OSBPL10: variants seen among roughly 807,000 people sequenced by gnomAD.
The protein encoded by OSBPL10 is oxysterol-binding protein-related protein 10.
OSBPL10 carries 49 observed loss-of-function variants against 81.7 expected under a neutral mutation model. The observed-to-expected ratio is 0.60, with a 90% CI of 0.48 to 0.76. OSBPL10 has a LOEUF of 0.76. OSBPL10 is among the 30% of genes least tolerant of loss of function. The pLI, the probability that OSBPL10 is intolerant of heterozygous loss-of-function variation, is 0.00. For missense variants in OSBPL10, 923 were observed against 987.8 expected (o/e 0.93, Z 0.88); for synonymous variants, 419 against 383.6 (o/e 1.09, Z -1.08).
chr3:31,799,379 TAAAAAAAAAAAAAA>T (rs61157535), intron 4 of OSBPL10, among the ~76,000 whole-genome samples: 2 of 56,214 alleles, frequency 3.6e-5, no homozygotes, highest in Non-Finnish European at 6.4e-5. Context: ...CCTATCTCTT[TAAAAAAAAAAAAAA>T]AAAAAAAAAA....
intron 1 of OSBPL10, among the ~76,000 whole-genome samples, chr3:31,954,839 A>C (rs892343525): frequency 5.3e-5 from 8 of 152,248 alleles, no homozygotes; most frequent in African/African-American, 1.4e-4. Context: ...TTATGACTAT[A>C]CTAATGTCAG....
chr3:31,750,122 C>G (rs1697666512), intron 4 of OSBPL10, among the ~76,000 whole-genome samples: 2 of 152,240 alleles, frequency 1.3e-5, no homozygotes, highest in African/African-American at 4.8e-5. Flanking sequence ...GCAAAAGTTG[C>G]AGTAAGCTGA....
chr3:31,749,744 G>A (rs543660335), intron 4 of OSBPL10, among the ~76,000 whole-genome samples: 4 of 152,188 alleles, frequency 2.6e-5, no homozygotes, highest in East Asian at 3.9e-4. Flanking sequence ...GAATCCAGGA[G>A]GCAGAGGTTG....
intron 2 of OSBPL10, chr3:31,990,604 C>T (rs1375021036): frequency 1.2e-6 from 2 of 1,613,978 alleles, no homozygotes; most frequent in African/African-American, 2.7e-5. Flanking sequence ...TGGAGAGAAA[C>T]CTTACAAGTG....
chr3:31,677,057 C>T (rs149384945), intron 8 of OSBPL10, among the ~76,000 whole-genome samples: 32 of 152,252 alleles, frequency 2.1e-4, no homozygotes, highest in Non-Finnish European at 2.9e-4. Flanking sequence ...CACGTATTTA[C>T]GTTCACAATT....
At chr3:31,864,534 C>A (rs1701130263) in intron 3 of OSBPL10, among the ~76,000 whole-genome samples, 6 of 152,094 alleles carry the variant, frequency 3.9e-5, no homozygotes, top group Admixed American at 3.9e-4. Context: ...GCCACCGCAC[C>A]CGACCATATA....
intron 3 of OSBPL10, among the ~76,000 whole-genome samples, chr3:31,874,638 G>A (rs961318552): frequency 6.6e-6 from 1 of 152,084 alleles, no homozygotes; most frequent in Non-Finnish European, 1.5e-5. Context: ...CATGATTTTA[G>A]ACATGAAAAT....
chr3:31,740,125 C>T (rs1369497121), intron 5 of OSBPL10, among the ~76,000 whole-genome samples: 2 of 150,588 alleles, frequency 1.3e-5, no homozygotes, highest in African/African-American at 2.4e-5. Context: ...CTCACTGTAA[C>T]CTCTGCCTCC....
intron 7 of OSBPL10, among the ~76,000 whole-genome samples, chr3:31,684,595 A>G (rs1351214794): frequency 6.6e-6 from 1 of 152,170 alleles, no homozygotes; most frequent in Non-Finnish European, 1.5e-5. Flanking sequence ...GTCCAGGCAG[A>G]CCAGGACCCA....
At chr3:31,803,477 A>G (rs1488664724) in intron 4 of OSBPL10, among the ~76,000 whole-genome samples, 1 of 152,362 alleles carries the variant, frequency 6.6e-6, no homozygotes, top group Non-Finnish European at 1.5e-5. Flanking sequence ...TGGGTATTTC[A>G]AAACATTTTA....
At chr3:32,048,022 C>T (rs1366242009) in intron 1 of OSBPL10, among the ~76,000 whole-genome samples, 12 of 152,126 alleles carry the variant, frequency 7.9e-5, no homozygotes, top group African/African-American at 1.9e-4. Context: ...CCAGTCCTGC[C>T]GACTTCCAAT....
intron 6 of OSBPL10, among the ~76,000 whole-genome samples, chr3:31,706,806 A>G (rs760840115): frequency 5.9e-5 from 9 of 152,350 alleles, no homozygotes; most frequent in Admixed American, 1.3e-4. Flanking sequence ...CCCTCCCAGG[A>G]AAAAGCATGA....
At chr3:31,883,745 A>G (rs1236689614) in intron 1 of OSBPL10, among the ~76,000 whole-genome samples, 3 of 152,096 alleles carry the variant, frequency 2.0e-5, no homozygotes, top group Non-Finnish European at 4.4e-5. Context: ...TTGGCCAGGC[A>G]GGTCCTGACT....
chr3:31,943,904 G>C (rs1457372986), intron 1 of OSBPL10, among the ~76,000 whole-genome samples: 1 of 141,190 alleles, frequency 7.1e-6, no homozygotes, highest in Non-Finnish European at 1.5e-5. Flanking sequence ...GGAAGCGGAG[G>C]TTCGAGTGAG....
At chr3:31,938,944 C>G (rs1383033436) in intron 1 of OSBPL10, among the ~76,000 whole-genome samples, 1 of 152,080 alleles carries the variant, frequency 6.6e-6, no homozygotes, top group African/African-American at 2.4e-5. Context: ...CCCTCAAACT[C>G]ACCTTCATCT....
At chr3:31,817,368 A>G (rs1318024168) in intron 4 of OSBPL10, among the ~76,000 whole-genome samples, 1 of 152,196 alleles carries the variant, frequency 6.6e-6, no homozygotes, top group East Asian at 1.9e-4. Flanking sequence ...CAGCAGGAAC[A>G]GACATCCTCA....
intron 8 of OSBPL10, among the ~76,000 whole-genome samples, chr3:31,679,822 T>G (rs1288778299): frequency 6.6e-6 from 1 of 152,086 alleles, no homozygotes; most frequent in African/African-American, 2.4e-5. Flanking sequence ...GAGCCCCAGA[T>G]AAGTCAAAAT....
intron 1 of OSBPL10, among the ~76,000 whole-genome samples, chr3:31,890,055 T>C (rs1199642551): frequency 2.0e-5 from 3 of 151,940 alleles, no homozygotes; most frequent in African/African-American, 7.3e-5. Context: ...TAGAGGATCT[T>C]TGTGAAGGTC....
chr3:31,669,048 A>G (rs1349470783), intron 9 of OSBPL10, among the ~76,000 whole-genome samples: 1 of 152,218 alleles, frequency 6.6e-6, no homozygotes, highest in African/African-American at 2.4e-5. Context: ...TAAAGTCTAT[A>G]GATTAGTTCA....
Sources: gnomAD v4.1 joint callset for allele counts (sites outside exome capture counted in the v4.1 genomes callset) on GRCh38, gnomAD v4.1.1 for gene constraint, MANE v1.5 for transcripts, NCBI Gene and HGNC (gene_info 2026-07-23, HGNC 2026-07-21) for gene names.